Variants in TBC1D12 observed in about 807,000 individuals in gnomAD.
TBC1D12 encodes TBC1 domain family member 12, also known as TBC1 domain family, member 12.
In TBC1D12, 56 loss-of-function variants were observed where a neutral mutation model predicts 86.7. The observed-to-expected ratio is 0.65, with a 90% CI of 0.52 to 0.81. The LOEUF is 0.81. Ranked by LOEUF, TBC1D12 falls within the 30% of genes least tolerant of loss-of-function variation. The probability of loss-of-function intolerance (pLI) is 0.00; values close to 1 mark genes in which losing one functional copy is unlikely to be tolerated. For synonymous variants in TBC1D12, 421 were observed against 411.7 expected, an observed-to-expected ratio of 1.02 and a Z score of -0.27; for missense variants, 1,023 against 1,038.8, an observed-to-expected ratio of 0.98 and a Z score of 0.21.
chr10:94,511,363 G>A (rs1447943029), intron 8 of TBC1D12, among the ~76,000 whole-genome samples: 1 of 151,936 alleles, frequency 6.6e-6, no homozygotes, highest in Non-Finnish European at 1.5e-5. Flanking sequence ...CTCCTAAAGT[G>A]CTGGGATTAT....
At chr10:94,509,126 T>G (rs980809261) in intron 7 of TBC1D12, 10 of 130,600 alleles carry the variant, frequency 7.7e-5, no homozygotes, top group African/African-American at 2.8e-4. Context: ...TTTTTTTTTT[T>G]GAGATGCTCA....
intron 1 of TBC1D12, among the ~76,000 whole-genome samples, chr10:94,405,543 T>C (rs908680933): frequency 9.9e-5 from 15 of 152,226 alleles, no homozygotes; most frequent in Non-Finnish European, 1.5e-4. Flanking sequence ...GAGTTAGGTT[T>C]ATAAATTTGT....
At chr10:94,513,299 A>T (rs1195857868) in intron 9 of TBC1D12, among the ~76,000 whole-genome samples, 2 of 150,436 alleles carry the variant, frequency 1.3e-5, no homozygotes, top group Non-Finnish European at 3.0e-5. Context: ...TCATACCTGT[A>T]AATCCCAGCA....
chr10:94,435,532 A>G (rs563988693), intron 1 of TBC1D12, among the ~76,000 whole-genome samples: 30 of 151,942 alleles, frequency 2.0e-4, no homozygotes, highest in South Asian at 1.7e-3. Flanking sequence ...CCTTTTATCT[A>G]TTTTTTATTA....
chr10:94,516,360 AAAAAC>A (rs1468646815), intron 9 of TBC1D12, among the ~76,000 whole-genome samples: 1 of 152,216 alleles, frequency 6.6e-6, no homozygotes, highest in African/African-American at 2.4e-5. Flanking sequence ...CATAAATGAA[AAAAAC>A]AAAACAAATT....
At chr10:94,487,320 T>G (rs2056179101) in intron 3 of TBC1D12, among the ~76,000 whole-genome samples, 1 of 151,786 alleles carries the variant, frequency 6.6e-6, no homozygotes, top group African/African-American at 2.4e-5. Context: ...CATTCAGTGT[T>G]ATTGGTAAGT....
intron 1 of TBC1D12, among the ~76,000 whole-genome samples, chr10:94,431,774 C>T (rs2055218934): frequency 6.6e-6 from 1 of 152,176 alleles, no homozygotes; most frequent in African/African-American, 2.4e-5. Flanking sequence ...ACAGAGGTAA[C>T]TTGGCCTCCT....
At chr10:94,525,685 C>CA (rs1303379553) in intron 11 of TBC1D12, among the ~76,000 whole-genome samples, 10 of 138,316 alleles carry the variant, frequency 7.2e-5, no homozygotes, top group African/African-American at 2.7e-4. Flanking sequence ...AAAAGCTAAA[C>CA]AAAAAAACCG....
In TBC1D12 at chr10:94,533,759, CAG is replaced by C. The variant is rs1402878676; in HGVS notation, c.*667_*668del. 2 of 152,134 alleles carry C rather than the reference CAG, an allele frequency of 1.3e-5. No individual in the cohort carries two copies. The highest frequency in any genetic ancestry group is 6.5e-5 in the Admixed American group (1 of 15,276). The allele number at this position is 152,134 out of a possible 1,614,324, so 9.4% of individuals were successfully genotyped here. On this transcript the variant is annotated 3_prime_UTR_variant, in exon 13 of 13. Transcript: ENST00000225235. ...TCTTCCTTAAGGAATTCCTATCACTCAGAGAATTTTAGCCATTCTGGTTCTAG... is the reference window on the plus strand; with the variant it reads ...TCTTCCTTAAGGAATTCCTATCACTCAGAATTTTAGCCATTCTGGTTCTAG...
intron 1 of TBC1D12, among the ~76,000 whole-genome samples, chr10:94,431,594 A>G (rs1389490420): frequency 2.6e-5 from 4 of 152,222 alleles, no homozygotes; most frequent in Admixed American, 2.6e-4. Context: ...AAAGATAGGA[A>G]AACAAATGGT....
intron 6 of TBC1D12, among the ~76,000 whole-genome samples, chr10:94,500,781 C>G (rs934547382): frequency 6.6e-6 from 1 of 151,880 alleles, no homozygotes; most frequent in African/African-American, 2.4e-5. Context: ...TTAGGCCGGG[C>G]GCAGTGGCTC....
chr10:94,432,462 G>T (rs1285754412), intron 1 of TBC1D12, among the ~76,000 whole-genome samples: 1 of 152,090 alleles, frequency 6.6e-6, no homozygotes, highest in Non-Finnish European at 1.5e-5. Flanking sequence ...GCAGGTATAT[G>T]CCATTTTGCT....
Position 94,445,133 on chromosome 10 carries a change from G to A in TBC1D12, c.1095+3114G>A, listed in dbSNP as rs192735650. 1.6e-3 allele frequency among the ~76,000 whole-genome samples: 234 copies of A among 146,714 alleles called. 1 individual carries two copies. The highest frequency in any genetic ancestry group is 2.8e-3 in the Non-Finnish European group (185 of 66,460). ...CCCAGCACTTTGGGAGGCTGTGGCG[G>A]GCAGATCACGAGGTCAGGAGATTGA... On this transcript the variant is annotated intron_variant, in intron 2 of 12. Coordinates refer to ENST00000225235, the MANE Select transcript of TBC1D12 (RefSeq NM_015188.2).
intron 2 of TBC1D12, among the ~76,000 whole-genome samples, chr10:94,450,352 A>C (rs1288787935): frequency 6.6e-6 from 1 of 151,928 alleles, no homozygotes; most frequent in Non-Finnish European, 1.5e-5. Flanking sequence ...GATGACATGC[A>C]AATTGTGTTC....
chr10:94,434,504 TAA>T (rs78126071), intron 1 of TBC1D12, among the ~76,000 whole-genome samples: 40 of 135,156 alleles, frequency 3.0e-4, no homozygotes, highest in Non-Finnish European at 2.9e-4. Flanking sequence ...AGACTCCATT[TAA>T]AAAAAAAAAA....
At chr10:94,443,989 G>A (rs1319139015) in intron 2 of TBC1D12, among the ~76,000 whole-genome samples, 1 of 152,064 alleles carries the variant, frequency 6.6e-6, no homozygotes, top group African/African-American at 2.4e-5. Flanking sequence ...GGCCAACATG[G>A]TGAAACCCTG....
intron 6 of TBC1D12, among the ~76,000 whole-genome samples, chr10:94,500,629 C>G (rs538640029): frequency 5.3e-5 from 8 of 151,984 alleles, no homozygotes; most frequent in African/African-American, 1.7e-4. Flanking sequence ...TATGTATATA[C>G]AAGAAAAAAG....
At chr10:94,462,764 T>C (rs1032085248) in intron 2 of TBC1D12, among the ~76,000 whole-genome samples, 2 of 152,190 alleles carry the variant, frequency 1.3e-5, no homozygotes, top group African/African-American at 4.8e-5. Context: ...ATGATCTCTC[T>C]TGCATTCCTG....
At chr10:94,499,154 G>GT (rs546811425) in intron 5 of TBC1D12, among the ~76,000 whole-genome samples, 2 of 152,174 alleles carry the variant, frequency 1.3e-5, no homozygotes, top group Non-Finnish European at 2.9e-5. Context: ...GTATTTCTCA[G>GT]TATTTTGTGG....
Sources: gnomAD v4.1 joint callset for allele counts (sites outside exome capture counted in the v4.1 genomes callset) on GRCh38, gnomAD v4.1.1 for gene constraint, MANE v1.5 for transcripts, NCBI Gene and HGNC (gene_info 2026-07-23, HGNC 2026-07-21) for gene names.